PPFIA2: variants seen among roughly 807,000 people sequenced by gnomAD.
PPFIA2 encodes PPFI scaffold protein A2.
Under a neutral mutation model 175.5 loss-of-function variants are expected in PPFIA2, and 46 were observed. The observed-to-expected ratio is 0.26, with a 90% CI of 0.21 to 0.34. The LOEUF (loss-of-function observed/expected upper bound fraction) is 0.34, where lower values mean the gene tolerates loss of function less well. PPFIA2 is among the 10% of genes least tolerant of loss of function. The pLI is 1.00. For synonymous variants in PPFIA2, 568 were observed against 511.4 expected (o/e 1.11, Z -1.49); for missense variants, 1,179 against 1,506.1 (o/e 0.78, Z 3.60).
chr12:81,737,776 A>C (rs1009948117), intron 3 of PPFIA2, among the ~76,000 whole-genome samples: 1 of 152,030 alleles, frequency 6.6e-6, no homozygotes, highest in Non-Finnish European at 1.5e-5. Context: ...AGAGAAAATT[A>C]GTGAACTAAA....
intron 4 of PPFIA2, among the ~76,000 whole-genome samples, chr12:81,648,497 C>A (rs1387784331): frequency 6.6e-6 from 1 of 150,964 alleles, no homozygotes; most frequent in Non-Finnish European, 1.5e-5. Flanking sequence ...TTTAAAAGAC[C>A]TAAATAAATG....
intron 4 of PPFIA2, among the ~76,000 whole-genome samples, chr12:81,474,589 G>A (rs752541479): frequency 6.6e-6 from 1 of 152,128 alleles, no homozygotes; most frequent in Non-Finnish European, 1.5e-5. Flanking sequence ...ATTGAGCCTG[G>A]CCCTCTTGTG....
chr12:81,629,618 C>T (rs564324766), intron 4 of PPFIA2, among the ~76,000 whole-genome samples: 11 of 152,182 alleles, frequency 7.2e-5, no homozygotes, highest in East Asian at 3.9e-4. Flanking sequence ...AAGGATGAAA[C>T]GCTTAGGAGT....
At chr12:81,525,489 G>T (rs2063630486) in intron 4 of PPFIA2, among the ~76,000 whole-genome samples, 1 of 152,144 alleles carries the variant, frequency 6.6e-6, no homozygotes, top group Admixed American at 6.5e-5. Flanking sequence ...TAACCCCTAA[G>T]AGCTGAGGGT....
At chr12:81,383,285 G>T (rs2038164889) in intron 9 of PPFIA2, among the ~76,000 whole-genome samples, 1 of 152,036 alleles carries the variant, frequency 6.6e-6, no homozygotes, top group African/African-American at 2.4e-5. Context: ...ATGTAAAAAT[G>T]GAAAAGGCAA....
intron 4 of PPFIA2, among the ~76,000 whole-genome samples, chr12:81,582,244 A>G (rs545026734): frequency 4.6e-5 from 7 of 151,970 alleles, no homozygotes; most frequent in African/African-American, 1.4e-4. Flanking sequence ...CAAATCAAAG[A>G]GTCTTGCTTT....
chr12:81,414,226 G>T (rs1352242035), intron 7 of PPFIA2, among the ~76,000 whole-genome samples: 1 of 151,610 alleles, frequency 6.6e-6, no homozygotes, highest in Non-Finnish European at 1.5e-5. Context: ...ATGATTCATT[G>T]CATACACAAT....
chr12:81,269,294 A>G (rs1308261081), intron 28 of PPFIA2, among the ~76,000 whole-genome samples: 1 of 152,150 alleles, frequency 6.6e-6, no homozygotes, highest in East Asian at 1.9e-4. Context: ...CATTTTTACT[A>G]CCCATAGAAA....
chr12:81,422,426 G>A (rs967680527), intron 7 of PPFIA2, among the ~76,000 whole-genome samples: 2 of 151,940 alleles, frequency 1.3e-5, no homozygotes, highest in African/African-American at 4.8e-5. Context: ...ATTGTCTTAA[G>A]GGCAGAATTT....
intron 4 of PPFIA2, among the ~76,000 whole-genome samples, chr12:81,554,935 T>C (rs2068578345): frequency 6.6e-6 from 1 of 152,036 alleles, no homozygotes; most frequent in African/African-American, 2.4e-5. Flanking sequence ...TTCTAATAAG[T>C]ATTGGTCTTC....
chr12:81,521,451 A>C (rs1025713784), intron 4 of PPFIA2, among the ~76,000 whole-genome samples: 1 of 152,212 alleles, frequency 6.6e-6, no homozygotes. Flanking sequence ...TACAGTGTAC[A>C]TATGCAGTAA....
intron 4 of PPFIA2, among the ~76,000 whole-genome samples, chr12:81,518,098 C>A (rs1594361507): frequency 1.3e-5 from 2 of 152,042 alleles, no homozygotes; most frequent in East Asian, 3.9e-4. Context: ...ATAAAACAAA[C>A]AAACAAAAAA....
rs1021083424 is a variant in PPFIA2 at position 81,440,060 on chromosome 12, C to A, written c.571-14G>T. ...TCGCTCCCTTACCTAGAAGAAAAAT[C>A]AAAATATGTGCAGTAATGTACATCC... On this transcript the variant is annotated splice_polypyrimidine_tract_variant and intron_variant, in intron 6 of 32. Transcript: ENST00000549396. 13 of 1,582,138 alleles carry A rather than the reference C, an allele frequency of 8.2e-6. No homozygotes were observed. The South Asian group carries it at 1.4e-4, about 17-fold the overall frequency.
At chr12:81,498,011 C>T (rs976157398) in intron 4 of PPFIA2, among the ~76,000 whole-genome samples, 1 of 152,196 alleles carries the variant, frequency 6.6e-6, no homozygotes, top group Non-Finnish European at 1.5e-5. Flanking sequence ...GGCACAGTAT[C>T]CCAAATGCTG....
At chr12:81,609,025 A>AT (rs1236716349) in intron 4 of PPFIA2, among the ~76,000 whole-genome samples, 4 of 152,014 alleles carry the variant, frequency 2.6e-5, no homozygotes, top group African/African-American at 9.6e-5. Context: ...AATTTTTTTT[A>AT]TTTTAATGTT....
intron 3 of PPFIA2, among the ~76,000 whole-genome samples, chr12:81,687,200 CAGG>C (rs2074549806): frequency 6.6e-6 from 1 of 152,038 alleles, no homozygotes; most frequent in Non-Finnish European, 1.5e-5. Context: ...TCCCCATTCC[CAGG>C]AAGGAAAGAT....
chr12:81,494,574 C>A (rs1466479122), intron 4 of PPFIA2, among the ~76,000 whole-genome samples: 1 of 151,888 alleles, frequency 6.6e-6, no homozygotes, highest in Non-Finnish European at 1.5e-5. Context: ...TACCATTTGA[C>A]CCAGCCATCC....
intron 3 of PPFIA2, among the ~76,000 whole-genome samples, chr12:81,689,663 C>T (rs1348413363): frequency 2.0e-5 from 3 of 151,940 alleles, no homozygotes; most frequent in Non-Finnish European, 4.4e-5. Context: ...TCAAGCTCCC[C>T]CTCCCCAAAA....
intron 3 of PPFIA2, among the ~76,000 whole-genome samples, chr12:81,689,665 T>C (rs1646420045): frequency 6.6e-6 from 1 of 151,476 alleles, no homozygotes; most frequent in South Asian, 2.1e-4. Flanking sequence ...AAGCTCCCCC[T>C]CCCCAAAATA....
Sources: allele counts gnomAD v4.1 joint callset (sites outside exome capture counted in the v4.1 genomes callset), GRCh38; gene constraint gnomAD v4.1.1; transcripts MANE v1.5; gene names NCBI Gene and HGNC (gene_info 2026-07-23, HGNC 2026-07-21).